Variants in DKK2 observed in about 807,000 individuals in gnomAD.
DKK2 encodes dickkopf Wnt signaling pathway inhibitor 2.
In DKK2, 11 loss-of-function variants were observed where a neutral mutation model predicts 28.1. The observed-to-expected ratio is 0.39, with a 90% CI of 0.25 to 0.65. The LOEUF is 0.65. Ranked by LOEUF, DKK2 falls within the 30% of genes least tolerant of loss-of-function variation. DKK2 has a pLI of 0.47. For synonymous variants in DKK2, 135 were observed against 126.5 expected, an observed-to-expected ratio of 1.07 and a Z score of -0.45; for missense variants, 326 against 335.5, an observed-to-expected ratio of 0.97 and a Z score of 0.22.
At chr4:106,956,593 C>T (rs1475328312) in intron 1 of DKK2, among the ~76,000 whole-genome samples, 1 of 152,076 alleles carries the variant, frequency 6.6e-6, no homozygotes, top group Admixed American at 6.6e-5. Flanking sequence ...TCAGAAATAA[C>T]ACTGCATATC....
intron 1 of DKK2, among the ~76,000 whole-genome samples, chr4:106,948,273 A>C (rs749657446): frequency 6.6e-6 from 1 of 152,190 alleles, no homozygotes; most frequent in Non-Finnish European, 1.5e-5. Context: ...CACAGGTTGC[A>C]GGGTTCCAAC....
At chr4:106,926,280 A>G (rs1369077254) in intron 1 of DKK2, among the ~76,000 whole-genome samples, 5 of 152,270 alleles carry the variant, frequency 3.3e-5, no homozygotes, top group Non-Finnish European at 5.9e-5. Context: ...TAATTATTGC[A>G]TTGATGCTAT....
intron 1 of DKK2, among the ~76,000 whole-genome samples, chr4:106,951,133 C>T (rs1028181829): frequency 1.3e-5 from 2 of 151,614 alleles, no homozygotes; most frequent in African/African-American, 4.8e-5. Flanking sequence ...TCTTGTGACA[C>T]CAAAAATAAA....
At chr4:106,988,175 T>G (rs1723151244) in intron 1 of DKK2, among the ~76,000 whole-genome samples, 1 of 152,178 alleles carries the variant, frequency 6.6e-6, no homozygotes, top group South Asian at 2.1e-4. Flanking sequence ...AATGTTACCC[T>G]CTTCTTGCAG....
At position 106,924,620 on chromosome 4, in the gene DKK2, G is replaced by A. The variant is rs1423298564; in HGVS notation, c.454C>T (p.His152Tyr). The change falls in exon 3 of 4, where the codon CAC becomes TAC. Residue 152 changes from histidine to tyrosine, a missense_variant. Physicochemically the swap from His to Tyr is moderately conservative, Grantham distance 83 (BLOSUM62 2). Transcript: ENST00000285311. ...LDGTRHRDRN[H>Y]GHYSNHDLGW... ...AAGTCATGGTTTGAGTAATGACCGTGGTTTCGATCTCTGTGCCGAGTACCA... is the reference window on the plus strand; with the variant it reads ...AAGTCATGGTTTGAGTAATGACCGTAGTTTCGATCTCTGTGCCGAGTACCA... 1.9e-6 allele frequency: 3 copies of A among 1,613,764 alleles called. No individual in the cohort carries two copies. The highest frequency in any genetic ancestry group is 2.7e-5 in the African/African-American group (2 of 74,884).
intron 1 of DKK2, among the ~76,000 whole-genome samples, chr4:106,984,037 G>C (rs1723078590): frequency 1.3e-5 from 2 of 152,140 alleles, no homozygotes; most frequent in South Asian, 4.1e-4. Context: ...CAGCCACTCT[G>C]GCAGTTTGTC....
chr4:106,923,744 C>T lies in DKK2; in HGVS notation c.*210G>A, dbSNP rs1724382588. 2 of 616,824 alleles carry T rather than the reference C, an allele frequency of 3.2e-6. No homozygotes were observed. The highest frequency in any genetic ancestry group is 3.1e-5 in the Admixed American group (1 of 31,848). 38.2% of individuals were successfully genotyped at this position (616,824 alleles called of 1,614,324 possible). Reference sequence around the variant, plus strand: ...GTACATTATTTACATAGACAAGTTGCATAATGGAAACACTGGCTGCACTGC... The same window carrying T: ...GTACATTATTTACATAGACAAGTTGTATAATGGAAACACTGGCTGCACTGC... On this transcript the variant is annotated 3_prime_UTR_variant, in exon 4 of 4. Transcript: ENST00000285311.
intron 1 of DKK2, among the ~76,000 whole-genome samples, chr4:106,942,337 C>A (rs1405786491): frequency 1.3e-5 from 2 of 152,056 alleles, no homozygotes; most frequent in Non-Finnish European, 2.9e-5. Context: ...GATTTGTTAC[C>A]AGATAAAAAA....
At chr4:106,980,602 C>A (rs1268395430) in intron 1 of DKK2, among the ~76,000 whole-genome samples, 1 of 152,056 alleles carries the variant, frequency 6.6e-6, no homozygotes, top group Non-Finnish European at 1.5e-5. Context: ...GTAAGTAATA[C>A]AATTTTTCTA....
At chr4:107,030,185 C>T (rs1033508718) in intron 1 of DKK2, among the ~76,000 whole-genome samples, 2 of 151,998 alleles carry the variant, frequency 1.3e-5, no homozygotes, top group African/African-American at 2.4e-5. Flanking sequence ...AAGAAAAGAA[C>T]CTACCAAATG....
intron 1 of DKK2, among the ~76,000 whole-genome samples, chr4:106,974,111 G>A (rs1717583451): frequency 6.6e-6 from 1 of 152,026 alleles, no homozygotes; most frequent in Non-Finnish European, 1.5e-5. Flanking sequence ...TACCTGATTT[G>A]GTACCAGTAC....
chr4:107,011,673 G>A (rs1189845902), intron 1 of DKK2, among the ~76,000 whole-genome samples: 1 of 150,472 alleles, frequency 6.6e-6, no homozygotes, highest in Non-Finnish European at 1.5e-5. Context: ...AGGGAAATTA[G>A]CATATATCTT....
intron 1 of DKK2, among the ~76,000 whole-genome samples, chr4:106,983,975 A>T (rs1342042281): frequency 6.6e-6 from 1 of 152,188 alleles, no homozygotes; most frequent in Non-Finnish European, 1.5e-5. Context: ...GCTGGTGAGG[A>T]TGCAGAACAA....
At chr4:106,974,953 G>T (rs1040718383) in intron 1 of DKK2, among the ~76,000 whole-genome samples, 7 of 152,076 alleles carry the variant, frequency 4.6e-5, no homozygotes. Context: ...TAGTATAAAG[G>T]GGTGTTGAAT....
chr4:106,991,836 C>T (rs1723209749), intron 1 of DKK2, among the ~76,000 whole-genome samples: 1 of 152,176 alleles, frequency 6.6e-6, no homozygotes, highest in Non-Finnish European at 1.5e-5. Flanking sequence ...TCGAAGGCTT[C>T]ATATTTGGCC....
chr4:106,997,481 C>G (rs915593605), intron 1 of DKK2, among the ~76,000 whole-genome samples: 1 of 152,036 alleles, frequency 6.6e-6, no homozygotes, highest in African/African-American at 2.4e-5. Context: ...TTCAACTCCT[C>G]TCAAAATATA....
At chr4:106,973,867 A>C (rs1464935508) in intron 1 of DKK2, among the ~76,000 whole-genome samples, 1 of 152,062 alleles carries the variant, frequency 6.6e-6, no homozygotes, top group Non-Finnish European at 1.5e-5. Flanking sequence ...TTATTGTTTT[A>C]GCTCTTACAT....
At chr4:106,934,146 C>G (rs1724544676) in intron 1 of DKK2, among the ~76,000 whole-genome samples, 2 of 151,466 alleles carry the variant, frequency 1.3e-5, no homozygotes, top group Admixed American at 1.3e-4. Flanking sequence ...AATTGTGTAA[C>G]AGGAAGGTAG....
chr4:106,973,649 G>C (rs1332562821), intron 1 of DKK2, among the ~76,000 whole-genome samples: 1 of 152,036 alleles, frequency 6.6e-6, no homozygotes, highest in African/African-American at 2.4e-5. Context: ...TTGTCAGACA[G>C]AGAGATTGCA....
Sources: allele counts gnomAD v4.1 joint callset (sites outside exome capture counted in the v4.1 genomes callset), GRCh38; gene constraint gnomAD v4.1.1; transcripts MANE v1.5; gene names NCBI Gene and HGNC (gene_info 2026-07-23, HGNC 2026-07-21).